Variants in TBC1D30 observed in about 807,000 individuals in gnomAD.
The protein encoded by TBC1D30 is TBC1 domain family member 30, also known as TBC1 domain family, member 30.
A neutral mutation model predicts 63.2 loss-of-function variants in TBC1D30; 31 were observed. That is an observed-to-expected ratio of 0.49 (90% confidence interval 0.37 to 0.66). TBC1D30 has a LOEUF of 0.66. Among genes scored for constraint, TBC1D30 ranks in the 30% least tolerant of loss-of-function variants. The pLI is 0.00. For synonymous variants in TBC1D30, 307 were observed against 361.5 expected (o/e 0.85, Z 1.71); for missense variants, 810 against 953.6 (o/e 0.85, Z 1.98).
upstream of TBC1D30, chr12:64,779,270 G>A (rs1265260790): frequency 6.6e-6 from 1 of 152,108 alleles, no homozygotes; most frequent in Non-Finnish European, 1.5e-5. Context: ...ATACGAAGGA[G>A]GACTTGGAAC....
chr12:64,853,619 T>C (rs1285678550), intron 8 of TBC1D30, among the ~76,000 whole-genome samples: 1 of 152,142 alleles, frequency 6.6e-6, no homozygotes, highest in African/African-American at 2.4e-5. Flanking sequence ...GCCCTGGTGG[T>C]GTAGGCACCC....
intron 1 of TBC1D30, among the ~76,000 whole-genome samples, chr12:64,783,252 G>C (rs1239973243): frequency 6.6e-6 from 1 of 152,156 alleles, no homozygotes; most frequent in Non-Finnish European, 1.5e-5. Context: ...CCTTGGTTAA[G>C]GGGATGAATT....
chr12:64,768,900 T>C (rs1870807562), intron 1 of TBC1D30, among the ~76,000 whole-genome samples: 1 of 152,156 alleles, frequency 6.6e-6, no homozygotes, highest in Non-Finnish European at 1.5e-5. Flanking sequence ...CTCATGACTG[T>C]AATCCCAGCA....
chr12:64,860,885 C>T (rs1877731588), intron 8 of TBC1D30, among the ~76,000 whole-genome samples: 1 of 152,212 alleles, frequency 6.6e-6, no homozygotes, highest in Admixed American at 6.5e-5. Context: ...CAACACACTG[C>T]TTCCACCTAT....
chr12:64,830,279 A>C, intron 3 of TBC1D30, 98 bp from the exon 4 acceptor site: 1 of 1,224,126 alleles, frequency 8.2e-7, no homozygotes, highest in Non-Finnish European at 1.1e-6. Context: ...GTCTAGGGAC[A>C]CTTCCCATTT....
At chr12:64,811,548 G>C (rs2136330575) in intron 2 of TBC1D30, among the ~76,000 whole-genome samples, 2 of 152,296 alleles carry the variant, frequency 1.3e-5, no homozygotes, top group South Asian at 4.1e-4. Context: ...TTACAGGGTG[G>C]GTTGATGCAG....
chr12:64,839,899 G>A (rs1875698618), intron 7 of TBC1D30, among the ~76,000 whole-genome samples: 1 of 151,448 alleles, frequency 6.6e-6, no homozygotes, highest in Admixed American at 6.6e-5. Flanking sequence ...CAGCTACTCG[G>A]GAGGCTGAGG....
chr12:64,839,931 G>C (rs1875703186), intron 7 of TBC1D30, among the ~76,000 whole-genome samples: 1 of 148,726 alleles, frequency 6.7e-6, no homozygotes, highest in Non-Finnish European at 1.5e-5. Flanking sequence ...CGTGAACCCA[G>C]GGGACGGAGC....
At chr12:64,786,261 G>A (rs1565641274) in intron 2 of TBC1D30, among the ~76,000 whole-genome samples, 1 of 152,136 alleles carries the variant, frequency 6.6e-6, no homozygotes, top group Non-Finnish European at 1.5e-5. Flanking sequence ...TATTATTCTA[G>A]ATTTGAAGTA....
chr12:64,761,515 A>G (rs1870511975), intron 1 of TBC1D30, among the ~76,000 whole-genome samples: 1 of 152,228 alleles, frequency 6.6e-6, no homozygotes, highest in Admixed American at 6.5e-5. Context: ...TTACTGATGA[A>G]ACAGGTAGCA....
At chr12:64,792,181 A>G (rs1271293610) in intron 2 of TBC1D30, among the ~76,000 whole-genome samples, 1 of 152,218 alleles carries the variant, frequency 6.6e-6, no homozygotes, top group Non-Finnish European at 1.5e-5. Context: ...AAGAATAAGT[A>G]AACAAAGGTG....
At chr12:64,842,733 T>G (rs1875989567) in intron 7 of TBC1D30, among the ~76,000 whole-genome samples, 1 of 152,228 alleles carries the variant, frequency 6.6e-6, no homozygotes, top group Non-Finnish European at 1.5e-5. Flanking sequence ...TTAAAGGAGA[T>G]AATTGTTTTT....
chr12:64,773,071 T>G (rs768560659), intron 1 of TBC1D30, among the ~76,000 whole-genome samples: 3 of 152,240 alleles, frequency 2.0e-5, no homozygotes, highest in Non-Finnish European at 4.4e-5. Context: ...TGTCTAAGGT[T>G]TGATGGCTTT....
chr12:64,828,033 A>G, intron 2 of TBC1D30, 137 bp downstream of exon 2: 1 of 686,212 alleles, frequency 1.5e-6, no homozygotes, highest in Non-Finnish European at 2.4e-6. Context: ...CAGTTAAAGT[A>G]GCTTTTGAGC....
intron 10 of TBC1D30, 87 bp downstream of exon 10, chr12:64,866,990 A>C: frequency 7.2e-7 from 1 of 1,396,980 alleles, no homozygotes; most frequent in South Asian, 1.3e-5. Context: ...ATGCCCCAGT[A>C]ACTTTCTGAA....
At chr12:64,873,165 T>G (rs1434746260) in intron 11 of TBC1D30, among the ~76,000 whole-genome samples, 2 of 152,174 alleles carry the variant, frequency 1.3e-5, no homozygotes, top group Non-Finnish European at 1.5e-5. Flanking sequence ...GTATGGTGGT[T>G]GAGGTATCAG....
chr12:64,871,473 T>A (rs1375402910), intron 11 of TBC1D30, among the ~76,000 whole-genome samples: 1 of 152,226 alleles, frequency 6.6e-6, no homozygotes, highest in African/African-American at 2.4e-5. Flanking sequence ...ATGAAAATGG[T>A]GCCTGTCCAG....
chr12:64,830,551 TA>T, intron 4 of TBC1D30, 49 bp downstream of exon 4: 1 of 1,438,502 alleles, frequency 7.0e-7, no homozygotes, highest in Non-Finnish European at 9.2e-7. Flanking sequence ...AGAAAGACTC[TA>T]AAAGCCAGTT....
Position 64,875,423 on chromosome 12 carries a change from G to C in TBC1D30, c.1921G>C (p.Val641Leu). 1 of 1,536,204 alleles carries C rather than the reference G, an allele frequency of 6.5e-7. No individual in the cohort carries two copies. Among genetic ancestry groups the C allele is most frequent in the Non-Finnish European group, 8.7e-7 (1 of 1,146,916 alleles). Residue 641 changes from valine to leucine, a missense_variant, in exon 12 of 12, where the codon GTG becomes CTG. Transcript: ENST00000539867. Reference protein sequence around the residue: ...RTIEGQSPEPVFGDADVDVSA... With the variant: ...RTIEGQSPEPLFGDADVDVSA... ...GATCGAGGGGCAGTCTCCGGAGCCG[G>C]TGTTCGGAGATGCTGATGTGGATGT...
Sources: allele counts gnomAD v4.1 joint callset (sites outside exome capture counted in the v4.1 genomes callset), GRCh38; gene constraint gnomAD v4.1.1; transcripts MANE v1.5; gene names NCBI Gene and HGNC (gene_info 2026-07-23, HGNC 2026-07-21).